Variants in SEMA3D observed in about 807,000 individuals in gnomAD.
SEMA3D encodes semaphorin 3D, also known as semaphorin-3D.
A neutral mutation model predicts 100.1 loss-of-function variants in SEMA3D; 84 were observed. The observed-to-expected ratio is 0.84, with a 90% confidence interval of 0.70 to 1.01. The LOEUF (loss-of-function observed/expected upper bound fraction) is 1.01, where lower values mean the gene tolerates loss of function less well. Ranked by LOEUF, SEMA3D falls within the 50% of genes least tolerant of loss-of-function variation. The pLI is 0.00. For missense variants in SEMA3D, 875 were observed against 934.1 expected, an observed-to-expected ratio of 0.94 and a Z score of 0.82; for synonymous variants, 312 against 320.7, an observed-to-expected ratio of 0.97 and a Z score of 0.29.
chr7:85,108,397 C>T (rs1788993705), intron 3 of SEMA3D, among the ~76,000 whole-genome samples: 1 of 152,018 alleles, frequency 6.6e-6, no homozygotes, highest in Admixed American at 6.6e-5. Context: ...TGTGATAATG[C>T]TTTGCAGTCA....
chr7:85,127,097 C>G (rs1394422795), intron 2 of SEMA3D, among the ~76,000 whole-genome samples: 2 of 152,122 alleles, frequency 1.3e-5, no homozygotes, highest in African/African-American at 2.4e-5. Context: ...GGCCATCTGA[C>G]TCCTCAGAGA....
At chr7:85,095,197 G>T (rs1009945249) in intron 4 of SEMA3D, among the ~76,000 whole-genome samples, 1 of 151,920 alleles carries the variant, frequency 6.6e-6, no homozygotes, top group Non-Finnish European at 1.5e-5. Context: ...ATAGTAAAAA[G>T]ATATTATTAA....
chr7:85,176,759 T>C (rs1431107529), intron 1 of SEMA3D, among the ~76,000 whole-genome samples: 1 of 143,798 alleles, frequency 7.0e-6, no homozygotes, highest in Non-Finnish European at 1.5e-5. Context: ...TGTATATATG[T>C]GTGTGTGTGT....
chr7:85,151,742 T>C, intron 2 of SEMA3D: 1 of 913,942 alleles, frequency 1.1e-6, no homozygotes, highest in Non-Finnish European at 1.3e-6. Context: ...TTCTGTTTAG[T>C]TCATCACATT....
intron 3 of SEMA3D, among the ~76,000 whole-genome samples, chr7:85,106,329 T>C (rs1169240637): frequency 2.0e-5 from 3 of 152,072 alleles, no homozygotes; most frequent in East Asian, 1.9e-4. Flanking sequence ...CAATCAAGTA[T>C]ATAAATTTAA....
chr7:85,206,187 A>T, the SEMA3D span, among the ~76,000 whole-genome samples: 1 of 152,112 alleles, frequency 6.6e-6, no homozygotes. Context: ...CTTTCTCCTC[A>T]TCAGGTTTAA....
rs183443840 is a variant in SEMA3D at position 85,118,999 on chromosome 7, T to C, written c.151+2742A>G. On this transcript the variant is annotated intron_variant, in intron 3 of 18. Transcript: ENST00000284136. ...AACACATACATGTGGGCAACAATCA[T>C]GTGAAAAAAAAAACTCAACATCATT... Among the ~76,000 whole-genome samples, 1,389 of 142,542 alleles carry C rather than the reference T, an allele frequency of 9.7e-3. 6 individuals carry two copies. Among genetic ancestry groups the C allele is most frequent in the Middle Eastern group, 0.015 (4 of 268 alleles). 93.5% of individuals were successfully genotyped at this position (142,542 alleles called of 152,430 possible).
chr7:85,025,740 A>C (rs988218734), intron 12 of SEMA3D, among the ~76,000 whole-genome samples: 2 of 152,152 alleles, frequency 1.3e-5, no homozygotes, highest in South Asian at 2.1e-4. Context: ...CAAATGTAAC[A>C]GTTGCCGTCT....
At chr7:85,013,472 C>T (rs573683024) in intron 16 of SEMA3D, among the ~76,000 whole-genome samples, 4 of 151,760 alleles carry the variant, frequency 2.6e-5, no homozygotes, top group Non-Finnish European at 5.9e-5. Context: ...TTTTGTATCA[C>T]ATCACATATT....
At chr7:85,054,317 C>T (rs1015018395) in intron 9 of SEMA3D, among the ~76,000 whole-genome samples, 5 of 151,942 alleles carry the variant, frequency 3.3e-5, no homozygotes, top group Non-Finnish European at 7.4e-5. Context: ...TTTAACATAG[C>T]TCATTTATAC....
chr7:85,244,606 A>T, the SEMA3D span, among the ~76,000 whole-genome samples: 1 of 152,156 alleles, frequency 6.6e-6, no homozygotes, highest in African/African-American at 2.4e-5. Context: ...CTAAAGTAGG[A>T]AGCAAAAAAT....
intron 2 of SEMA3D, among the ~76,000 whole-genome samples, chr7:85,130,758 C>G (rs1562829700): frequency 6.6e-6 from 1 of 152,078 alleles, no homozygotes; most frequent in Non-Finnish European, 1.5e-5. Flanking sequence ...ATATGACTGC[C>G]TTGTCATACA....
chr7:85,006,826 C>A lies in SEMA3D; in HGVS notation c.1884G>T (p.Arg628Ser). 1 of 1,607,462 alleles carries A rather than the reference C, an allele frequency of 6.2e-7. No homozygotes were observed. The highest frequency in any genetic ancestry group is 1.1e-5 in the South Asian group (1 of 90,362). The change falls in exon 18 of 19, where the codon AGG becomes AGT. Residue 628 changes from arginine (R) to serine (S), a missense_variant. Arg to Ser is a moderately radical substitution (Grantham distance 110). Transcript: ENST00000284136. ...QQATIKWYIQ[R>S]SGDEHREELK... ...CCTCCTCTCGATGCTCATCCCCTGA[C>A]CTCTGGATATACCATTTAATAGTTG... is the stretch of plus-strand genomic sequence containing the variant.
chr7:85,042,595 T>A (rs1265750645), intron 9 of SEMA3D, among the ~76,000 whole-genome samples: 2 of 152,292 alleles, frequency 1.3e-5, no homozygotes, highest in Admixed American at 1.3e-4. Flanking sequence ...CTTCATGACC[T>A]GCAAGAGACT....
rs73713880 is a variant in SEMA3D, at chr7:85,056,084, A to G, written c.719-225T>C. Among the ~76,000 whole-genome samples the G allele has an allele frequency of 2.3e-3, 344 of 152,208 alleles. 1 individual carries two copies. Among genetic ancestry groups the G allele is most frequent in the African/African-American group, 7.7e-3 (318 of 41,564 alleles). On this transcript the variant is annotated intron_variant, in intron 8 of 18. Coordinates refer to ENST00000284136, the MANE Select transcript of SEMA3D (RefSeq NM_001384900.1). Reference sequence around the variant, plus strand: ...AAGTTCTCCAGGAATTCCAGAGAGCAGGTGAGAACATGACTAGACTAAATT... The same window carrying G: ...AAGTTCTCCAGGAATTCCAGAGAGCGGGTGAGAACATGACTAGACTAAATT...
chr7:85,248,652 C>T, the SEMA3D span, among the ~76,000 whole-genome samples: 28 of 152,196 alleles, frequency 1.8e-4, 2 homozygotes, highest in East Asian at 4.3e-3. Flanking sequence ...ACTGAAAAGC[C>T]ATGAGCTATC....
At chr7:85,237,637 A>G in the SEMA3D span, among the ~76,000 whole-genome samples, 1 of 152,126 alleles carries the variant, frequency 6.6e-6, no homozygotes, top group African/African-American at 2.4e-5. Flanking sequence ...ATTGCTGAAA[A>G]ATATTCTATT....
intron 17 of SEMA3D, among the ~76,000 whole-genome samples, chr7:85,009,779 C>T (rs1789901143): frequency 6.6e-6 from 1 of 151,750 alleles, no homozygotes; most frequent in Non-Finnish European, 1.5e-5. Context: ...AGCTCAAATG[C>T]TATCCATCTG....
chr7:85,006,405 A>G (rs1286217081), intron 18 of SEMA3D, among the ~76,000 whole-genome samples: 1 of 151,992 alleles, frequency 6.6e-6, no homozygotes, highest in Non-Finnish European at 1.5e-5. Flanking sequence ...GTTTTAATAT[A>G]ACCCTCAAAA....
Sources: allele counts gnomAD v4.1 joint callset (sites outside exome capture counted in the v4.1 genomes callset), GRCh38; gene constraint gnomAD v4.1.1; transcripts MANE v1.5; gene names NCBI Gene and HGNC (gene_info 2026-07-23, HGNC 2026-07-21).